Variants in EPB41L4B observed in about 807,000 individuals in gnomAD.
EPB41L4B encodes the protein erythrocyte membrane protein band 4.1 like 4B.
A neutral mutation model predicts 112.5 loss-of-function variants in EPB41L4B; 30 were observed. That is an observed-to-expected ratio of 0.27 (90% CI 0.20 to 0.36). The LOEUF (loss-of-function observed/expected upper bound fraction) is 0.36. EPB41L4B is among the 10% of genes least tolerant of loss of function. EPB41L4B has a pLI of 1.00. For missense variants in EPB41L4B, 1,024 were observed against 1,133.3 expected (o/e 0.90, Z 1.38); for synonymous variants, 408 against 439.7 (o/e 0.93, Z 0.90).
intron 1 of EPB41L4B, 68 bp downstream of exon 1, chr9:109,320,073 A>T: frequency 7.8e-7 from 1 of 1,278,584 alleles, no homozygotes; most frequent in Non-Finnish European, 1.0e-6. Flanking sequence ...CGATGCAAGC[A>T]CTGGGGGAGG....
intron 3 of EPB41L4B, among the ~76,000 whole-genome samples, chr9:109,267,972 G>C (rs975648501): frequency 1.3e-5 from 2 of 152,158 alleles, no homozygotes; most frequent in Non-Finnish European, 1.5e-5. Flanking sequence ...AATTACCCAA[G>C]CATAAACAAC....
intron 3 of EPB41L4B, among the ~76,000 whole-genome samples, chr9:109,267,928 TTAAAG>T (rs1399961378): frequency 2.0e-5 from 3 of 152,214 alleles, no homozygotes; most frequent in South Asian, 2.1e-4. Flanking sequence ...TAAAAATACT[TTAAAG>T]TACTTTTAAG....
At chr9:109,243,766 A>AC in intron 14 of EPB41L4B, 84 bp from the exon 15 acceptor site, 5 of 1,360,358 alleles carry the variant, frequency 3.7e-6, no homozygotes, top group Non-Finnish European at 5.2e-6. Context: ...CCTGGCATCC[A>AC]CCCGAGGGGC....
intron 1 of EPB41L4B, among the ~76,000 whole-genome samples, chr9:109,298,701 T>C (rs113171937): frequency 6.6e-6 from 1 of 152,132 alleles, no homozygotes; most frequent in African/African-American, 2.4e-5. Flanking sequence ...AAGACACAAA[T>C]AGGAAATTAT....
chr9:109,266,271 G>T (rs1290419236), intron 4 of EPB41L4B, among the ~76,000 whole-genome samples: 1 of 152,158 alleles, frequency 6.6e-6, no homozygotes, highest in Non-Finnish European at 1.5e-5. Context: ...AGCTACTAGG[G>T]AGGCTGAGGT....
intron 15 of EPB41L4B, among the ~76,000 whole-genome samples, chr9:109,229,648 T>C (rs1833892026): frequency 6.6e-6 from 1 of 152,214 alleles, no homozygotes; most frequent in Admixed American, 6.5e-5. Flanking sequence ...TGGTTCCTGT[T>C]TTACTTTAGC....
chr9:109,254,378 C>T (rs1330884714), intron 11 of EPB41L4B, among the ~76,000 whole-genome samples: 2 of 151,718 alleles, frequency 1.3e-5, no homozygotes, highest in African/African-American at 2.4e-5. Context: ...GCTTGGTCTT[C>T]CCCCCACCCC....
chr9:109,265,802 C>T (rs7875542), intron 4 of EPB41L4B, among the ~76,000 whole-genome samples: 141,202 of 152,306 alleles, frequency 0.93, 65,633 homozygotes, highest in East Asian at 1. Flanking sequence ...TCCCTACCTA[C>T]GGAAACAGAA....
intron 1 of EPB41L4B, among the ~76,000 whole-genome samples, chr9:109,309,596 C>T (rs924185669): frequency 1.3e-5 from 2 of 152,238 alleles, no homozygotes; most frequent in Admixed American, 1.3e-4. Flanking sequence ...TTGCTAACAA[C>T]ATATGAAAGA....
chr9:109,202,687 G>A (rs1832875043), intron 19 of EPB41L4B, among the ~76,000 whole-genome samples: 1 of 152,160 alleles, frequency 6.6e-6, no homozygotes. Flanking sequence ...GGGTGGTGGT[G>A]GCCTGGAAGC....
At chr9:109,287,361 A>T (rs1051441646) in intron 1 of EPB41L4B, among the ~76,000 whole-genome samples, 1 of 152,236 alleles carries the variant, frequency 6.6e-6, no homozygotes, top group Admixed American at 6.5e-5. Context: ...CAAGTGCAAC[A>T]TTAACAGGTC....
rs1392286861 is a variant in EPB41L4B, at chr9:109,261,307, CG to C, written c.631+1742del. Reference sequence around the variant, plus strand: ...AAGGTTCTGCCTTTAAAGTTCTTGGCGGGGGTGGGGTGAGGGGGGTCTCTCC... The same window carrying C: ...AAGGTTCTGCCTTTAAAGTTCTTGGCGGGGTGGGGTGAGGGGGGTCTCTCC... On this transcript the variant is annotated intron_variant, in intron 6 of 25. Coordinates refer to ENST00000374566, the MANE Select transcript of EPB41L4B (RefSeq NM_019114.5). Among the ~76,000 whole-genome samples, 3 of 148,046 alleles carry C rather than the reference CG, an allele frequency of 2.0e-5. No homozygotes were observed. In the Admixed American group the frequency reaches 2.0e-4, roughly 10 times the overall value.
intron 1 of EPB41L4B, among the ~76,000 whole-genome samples, chr9:109,311,776 G>A (rs764015020): frequency 2.6e-5 from 4 of 152,186 alleles, no homozygotes; most frequent in African/African-American, 9.7e-5. Flanking sequence ...TGGGCTGAGG[G>A]GAAGAGCACT....
intron 17 of EPB41L4B, among the ~76,000 whole-genome samples, chr9:109,209,029 A>C (rs1179589686): frequency 6.6e-6 from 1 of 152,184 alleles, no homozygotes; most frequent in Non-Finnish European, 1.5e-5. Context: ...TATTAGGACT[A>C]AATGTGACAT....
At chr9:109,317,339 C>T (rs1292800899) in intron 1 of EPB41L4B, among the ~76,000 whole-genome samples, 1 of 152,226 alleles carries the variant, frequency 6.6e-6, no homozygotes, top group African/African-American at 2.4e-5. Flanking sequence ...GGCCACAGCA[C>T]CCTGTCTGGG....
At position 109,293,710 on chromosome 9, in the gene EPB41L4B, A is replaced by C. The variant is rs550910137; in HGVS notation, c.307-13789T>G. The stretch of plus-strand genomic sequence containing the variant: ...ACATACACATTCTTAAAAAAAAAAA[A>C]AAAAAAAAAACATAAACTAAAAACT... On this transcript the variant is annotated intron_variant, in intron 1 of 25. Coordinates refer to ENST00000374566, the MANE Select transcript of EPB41L4B (RefSeq NM_019114.5). Among the ~76,000 whole-genome samples, 56 of 151,848 alleles carry C rather than the reference A, an allele frequency of 3.7e-4. No homozygotes were observed. In the East Asian group the frequency reaches 7.1e-3, roughly 19 times the overall value.
intron 15 of EPB41L4B, among the ~76,000 whole-genome samples, chr9:109,223,009 T>A (rs991314232): frequency 2.6e-5 from 4 of 152,160 alleles, no homozygotes; most frequent in Admixed American, 1.3e-4. Context: ...CATAAGAGAC[T>A]TTATTGCTTG....
intron 1 of EPB41L4B, among the ~76,000 whole-genome samples, chr9:109,291,418 C>T (rs1389865195): frequency 2.0e-5 from 3 of 152,128 alleles, no homozygotes; most frequent in African/African-American, 7.2e-5. Flanking sequence ...GGAGGCAATT[C>T]CCAATTCCCA....
intron 14 of EPB41L4B, among the ~76,000 whole-genome samples, chr9:109,244,927 C>A (rs1172003167): frequency 6.6e-6 from 1 of 152,192 alleles, no homozygotes; most frequent in Non-Finnish European, 1.5e-5. Context: ...CAGTTCTGTT[C>A]GTTCCATTTT....
Sources: allele counts gnomAD v4.1 joint callset (sites outside exome capture counted in the v4.1 genomes callset), GRCh38; gene constraint gnomAD v4.1.1; transcripts MANE v1.5; gene names NCBI Gene and HGNC (gene_info 2026-07-23, HGNC 2026-07-21).